MC1R: variants seen among roughly 807,000 people sequenced by gnomAD.
MC1R encodes melanocortin 1 receptor.
For missense variants in MC1R, 542 were observed against 430.0 expected (o/e 1.26, Z -2.30); for synonymous variants, 263 against 203.8 (o/e 1.29, Z -2.47).
chr16:89,920,317 G>T lies in MC1R; in HGVS notation c.*105G>T. 5 of 943,686 alleles carry T rather than the reference G, an allele frequency of 5.3e-6. No individual in the cohort carries two copies. Among genetic ancestry groups the T allele is most frequent in the Non-Finnish European group, 8.1e-6 (5 of 613,654 alleles). The allele number at this position is 943,686 out of a possible 1,614,324, so 58.5% of individuals were successfully genotyped here. A position where few individuals can be genotyped will look rare whatever the true frequency, so the allele number is the denominator to read the frequency against. Reference sequence around the variant, plus strand: ...GCAGTTCCTTACCTCCCTGGTCCCCGTTTGTCAAAGAGGATGGACTAAATG... The same window carrying T: ...GCAGTTCCTTACCTCCCTGGTCCCCTTTTGTCAAAGAGGATGGACTAAATG... On this transcript the variant is annotated 3_prime_UTR_variant, in exon 1 of 1. Transcript: ENST00000555147.
Position 89,919,825 on chromosome 16 carries a change from G to T in MC1R, c.567G>T (p.Leu189=), listed in dbSNP as rs2045699975. 2 of 1,606,952 alleles carry T rather than the reference G, an allele frequency of 1.2e-6. No individual in the cohort carries two copies. The highest frequency in any genetic ancestry group is 1.7e-6 in the Non-Finnish European group (2 of 1,179,604). ...FIAYYDHVAV[L]LCLVVFFLAM... is the part of the protein sequence containing the mutation. Reference sequence around the variant, plus strand: ...CCTACTACGACCACGTGGCCGTCCTGCTGTGCCTCGTGGTCTTCTTCCTGG... The same window carrying T: ...CCTACTACGACCACGTGGCCGTCCTTCTGTGCCTCGTGGTCTTCTTCCTGG... The change falls in exon 1 of 1, where the codon CTG becomes CTT. Residue 189 remains leucine (L), a synonymous_variant. Transcript: ENST00000555147.
chr16:89,920,535 C>T lies in MC1R; in HGVS notation c.*323C>T, dbSNP rs1047573720. 6.4e-6 allele frequency: 4 copies of T among 627,350 alleles called. No homozygotes were observed. In the African/African-American group the frequency reaches 7.4e-5, roughly 12 times the overall value. 38.9% of individuals were successfully genotyped at this position (627,350 alleles called of 1,614,324 possible). A position where few individuals can be genotyped will look rare whatever the true frequency, so the allele number is the denominator to read the frequency against. On this transcript the variant is annotated 3_prime_UTR_variant, in exon 1 of 1. Coordinates refer to ENST00000555147, the MANE Select transcript of MC1R (RefSeq NM_002386.4). ...ACATTTTCCGCCCACTCCTGGGACACTCCGTCTGCTCCAATGACTGAGCAG... is the reference window on the plus strand; with the variant it reads ...ACATTTTCCGCCCACTCCTGGGACATTCCGTCTGCTCCAATGACTGAGCAG...
Position 89,919,033 on chromosome 16 carries a change from A to C in MC1R, c.-226A>C, listed in dbSNP as rs3212363. The C allele has an allele frequency of 1.8e-6, 1 of 551,664 alleles. No individual in the cohort carries two copies. The highest frequency in any genetic ancestry group is 3.2e-6 in the Non-Finnish European group (1 of 310,544). 34.2% of individuals were successfully genotyped at this position (551,664 alleles called of 1,614,324 possible). A position where few individuals can be genotyped will look rare whatever the true frequency, so the allele number is the denominator to read the frequency against. ...GTGAGAATCCCTGAGCCCAGGCGGT[A>C]GATGCCAGGAGGTGTCTGGACTGGC... On this transcript the variant is annotated 5_prime_UTR_variant, in exon 1 of 1. Coordinates refer to ENST00000555147, the MANE Select transcript of MC1R (RefSeq NM_002386.4).
chr16:89,919,690 C>T lies in MC1R; in HGVS notation c.432C>T (p.Ile144=), dbSNP rs1449010590. The T allele has an allele frequency of 2.4e-5, 39 of 1,606,340 alleles. No individual in the cohort carries two copies. The highest frequency in any genetic ancestry group is 3.2e-5 in the Non-Finnish European group (38 of 1,179,618). Residue 144 remains isoleucine, a synonymous_variant, in exon 1 of 1, where the codon ATC becomes ATT. Coordinates refer to ENST00000555147, the MANE Select transcript of MC1R (RefSeq NM_002386.4). ...FLGAIAVDRY[I]SIFYALRYHS... ...GCGCCATCGCCGTGGACCGCTACAT[C>T]TCCATCTTCTACGCACTGCGCTACC...
chr16:89,920,315 C>A lies in MC1R; in HGVS notation c.*103C>A. On this transcript the variant is annotated 3_prime_UTR_variant, in exon 1 of 1. Transcript: ENST00000555147. ...GGGCAGTTCCTTACCTCCCTGGTCCCCGTTTGTCAAAGAGGATGGACTAAA... is the reference window on the plus strand; with the variant it reads ...GGGCAGTTCCTTACCTCCCTGGTCCACGTTTGTCAAAGAGGATGGACTAAA... 2.1e-6 allele frequency: 2 copies of A among 973,034 alleles called. No individual in the cohort carries two copies. 60.3% of individuals were successfully genotyped at this position (973,034 alleles called of 1,614,324 possible). A position where few individuals can be genotyped will look rare whatever the true frequency, so the allele number is the denominator to read the frequency against.
Position 89,919,496 on chromosome 16 carries a change from C to T in MC1R, c.238C>T (p.Leu80=), listed in dbSNP as rs2144391307. ...HSPMYCFICC[L]ALSDLLVSGS... ...ACCCATGTACTGCTTCATCTGCTGC[C>T]TGGCCTTGTCGGACCTGCTGGTGAG... Residue 80 remains leucine (L), a synonymous_variant, in exon 1 of 1, where the codon CTG becomes TTG. Coordinates refer to ENST00000555147, the MANE Select transcript of MC1R (RefSeq NM_002386.4). The T allele has an allele frequency of 8.7e-6, 14 of 1,613,272 alleles. No homozygotes were observed. The highest frequency in any genetic ancestry group is 1.2e-5 in the Non-Finnish European group (14 of 1,179,806).
In MC1R at chr16:89,918,966, C is replaced by T. The variant is rs2045684459; in HGVS notation, c.-293C>T. On this transcript the variant is annotated 5_prime_UTR_variant, in exon 1 of 1. Coordinates refer to ENST00000555147, the MANE Select transcript of MC1R (RefSeq NM_002386.4). ...GTCCTGGGGACCTGAGCAGCAGCCA[C>T]CAGGGAAGAGGCAGGGAGGGAGCTG... The T allele has an allele frequency of 2.1e-6, 1 of 475,182 alleles. No individual in the cohort carries two copies. Among genetic ancestry groups the T allele is most frequent in the Non-Finnish European group, 3.8e-6 (1 of 263,474 alleles). 29.4% of individuals were successfully genotyped at this position (475,182 alleles called of 1,614,324 possible).
Position 89,919,256 on chromosome 16 carries a change from A to G in MC1R, c.-3A>G. On this transcript the variant is annotated 5_prime_UTR_variant, in exon 1 of 1. Transcript: ENST00000555147. ...GACTCCTTCCTGCTTCCTGGACAGGACTATGGCTGTGCAGGGATCCCAGAG... is the reference window on the plus strand; with the variant it reads ...GACTCCTTCCTGCTTCCTGGACAGGGCTATGGCTGTGCAGGGATCCCAGAG... 1 of 1,556,132 alleles carries G rather than the reference A, an allele frequency of 6.4e-7. No homozygotes were observed. The highest frequency in any genetic ancestry group is 8.7e-7 in the Non-Finnish European group (1 of 1,148,372).
In MC1R at chr16:89,920,565, C is replaced by A; in HGVS notation, c.*353C>A. 1.5e-6 allele frequency: 1 copy of A among 654,772 alleles called. No individual in the cohort carries two copies. The highest frequency in any genetic ancestry group is 1.7e-5 in the South Asian group (1 of 57,512). 40.6% of individuals were successfully genotyped at this position (654,772 alleles called of 1,614,324 possible). Reference sequence around the variant, plus strand: ...TCTGCTCCAATGACTGAGCAGCATCCACCCCACCCCATCTTTGCTGCCAGC... The same window carrying A: ...TCTGCTCCAATGACTGAGCAGCATCAACCCCACCCCATCTTTGCTGCCAGC... On this transcript the variant is annotated 3_prime_UTR_variant, in exon 1 of 1. Coordinates refer to ENST00000555147, the MANE Select transcript of MC1R (RefSeq NM_002386.4).
Position 89,920,177 on chromosome 16 carries a change from A to G in MC1R, c.919A>G (p.Arg307Gly). The change falls in exon 1 of 1, where the codon AGG becomes GGG. Residue 307 changes from arginine to glycine, a missense_variant. Physicochemically the swap from Arg to Gly is moderately radical, Grantham distance 125. Transcript: ENST00000555147. The part of the protein sequence containing the change: ...IYAFHSQELR[R>G]TLKEVLTCSW ...CGCCTTCCACAGCCAGGAGCTCCGC[A>G]GGACGCTCAAGGAGGTGCTGACATG... The G allele has an allele frequency of 6.2e-7, 1 of 1,613,992 alleles. No homozygotes were observed. Among genetic ancestry groups the G allele is most frequent in the Non-Finnish European group, 8.5e-7 (1 of 1,179,866 alleles).
rs376508354 is a variant in MC1R at position 89,920,028 on chromosome 16, T to C, written c.770T>C (p.Phe257Ser). 1.2e-6 allele frequency: 2 copies of C among 1,613,752 alleles called. No homozygotes were observed. Among genetic ancestry groups the C allele is most frequent in the East Asian group, 4.5e-5 (2 of 44,884 alleles). The stretch of plus-strand genomic sequence containing the variant: ...ATTTTCTTCCTCTGCTGGGGCCCCT[T>C]CTTCCTGCATCTCACACTCATCGTC... ...LGIFFLCWGP[F>S]FLHLTLIVLC... Residue 257 changes from phenylalanine to serine, a missense_variant, in exon 1 of 1, where the codon TTC (phenylalanine) becomes TCC (serine). Phe to Ser is a radical substitution (Grantham distance 155). Transcript: ENST00000555147.
Position 89,919,538 on chromosome 16 carries a change from G to T in MC1R, c.280G>T (p.Glu94Ter). ...GCTGGTGAGCGGGAGCAACGTGCTG[G>T]AGACGGCCGTCATCCTCCTGCTGGA... ...DLLVSGSNVLETAVILLLEAG... is the reference protein window; with the variant it reads ...DLLVSGSNVL The change falls in exon 1 of 1, where the codon GAG becomes TAG. Residue 94 changes from glutamate to a stop codon, truncating the protein, a stop_gained. Coordinates refer to ENST00000555147, the MANE Select transcript of MC1R (RefSeq NM_002386.4). LOFTEE classifies it low-confidence loss of function (END_TRUNC). 1 of 1,612,790 alleles carries T rather than the reference G, an allele frequency of 6.2e-7. No individual in the cohort carries two copies. The highest frequency in any genetic ancestry group is 8.5e-7 in the Non-Finnish European group (1 of 1,179,740).
chr16:89,920,953 ATG>A lies in MC1R; in HGVS notation c.*744_*745del. 2 of 522,274 alleles carry A rather than the reference ATG, an allele frequency of 3.8e-6. No homozygotes were observed. The highest frequency in any genetic ancestry group is 7.4e-5 in the Admixed American group (2 of 27,006). 32.4% of individuals were successfully genotyped at this position (522,274 alleles called of 1,614,324 possible). On this transcript the variant is annotated 3_prime_UTR_variant, in exon 1 of 1. Coordinates refer to ENST00000555147, the MANE Select transcript of MC1R (RefSeq NM_002386.4). ...TGGGGCCAGGAAAGTCTGGTAATAA[ATG>A]TGACTCAGCATCACCCACCTTAGCC...
Position 89,919,428 on chromosome 16 carries a change from C to A in MC1R, c.170C>A (p.Ala57Glu), listed in dbSNP as rs117952179. 1.2e-6 allele frequency: 2 copies of A among 1,613,142 alleles called. No individual in the cohort carries two copies. The highest frequency in any genetic ancestry group is 1.3e-5 in the African/African-American group (1 of 74,942). The change falls in exon 1 of 1, where the codon GCG (alanine) becomes GAG (glutamate). Residue 57 changes from alanine (A) to glutamate (E), a missense_variant. Transcript: ENST00000555147. ...SLGLVSLVEN[A>E]LVVATIAKNR... is the part of the protein sequence containing the mutation. ...GGGCTGGTGAGCTTGGTGGAGAACG[C>A]GCTGGTGGTGGCCACCATCGCCAAG...
rs955243060 is a variant in MC1R, at chr16:89,919,586, G to A, written c.328G>A (p.Ala110Thr). The change falls in exon 1 of 1, where the codon GCT becomes ACT. Residue 110 changes from alanine (A) to threonine (T), a missense_variant. Ala to Thr is a moderately conservative substitution (Grantham distance 58). Coordinates refer to ENST00000555147, the MANE Select transcript of MC1R (RefSeq NM_002386.4). ...GGAGGCCGGTGCACTGGTGGCCCGGGCTGCGGTGCTGCAGCAGCTGGACAA... is the reference window on the plus strand; with the variant it reads ...GGAGGCCGGTGCACTGGTGGCCCGGACTGCGGTGCTGCAGCAGCTGGACAA... ...LLEAGALVAR[A>T]AVLQQLDNVI... The A allele has an allele frequency of 5.6e-6, 9 of 1,609,972 alleles. No individual in the cohort carries two copies. Among genetic ancestry groups the A allele is most frequent in the East Asian group, 2.2e-5 (1 of 44,888 alleles).
Position 89,919,249 on chromosome 16 carries a change from G to A in MC1R, c.-10G>A. 1 of 1,533,418 alleles carries A rather than the reference G, an allele frequency of 6.5e-7. No individual in the cohort carries two copies. The highest frequency in any genetic ancestry group is 2.4e-5 in the East Asian group (1 of 41,164). The allele number at this position is 1,533,418 out of a possible 1,614,324, so 95.0% of individuals were successfully genotyped here. On this transcript the variant is annotated 5_prime_UTR_variant, in exon 1 of 1. Transcript: ENST00000555147. The stretch of plus-strand genomic sequence containing the variant: ...CTCCAACGACTCCTTCCTGCTTCCT[G>A]GACAGGACTATGGCTGTGCAGGGAT...
rs774456071 is a variant in MC1R at position 89,919,429 on chromosome 16, G to T, written c.171G>T (p.Ala57=). 6.2e-7 allele frequency: 1 copy of T among 1,613,264 alleles called. No homozygotes were observed. The highest frequency in any genetic ancestry group is 8.5e-7 in the Non-Finnish European group (1 of 1,179,874). ...SLGLVSLVEN[A]LVVATIAKNR... The stretch of plus-strand genomic sequence containing the variant: ...GGCTGGTGAGCTTGGTGGAGAACGC[G>T]CTGGTGGTGGCCACCATCGCCAAGA... The change falls in exon 1 of 1, where the codon GCG becomes GCT. Residue 57 remains alanine, a synonymous_variant. Transcript: ENST00000555147.
chr16:89,920,374 T>G lies in MC1R; in HGVS notation c.*162T>G, dbSNP rs1597415936. ...GAAAGTGTTGAAGCGCGGACCCTTC[T>G]GGGTCCAGGGAGGGGTCCCTGCAAA... On this transcript the variant is annotated 3_prime_UTR_variant, in exon 1 of 1. Transcript: ENST00000555147. The G allele has an allele frequency of 6.0e-6, 4 of 669,982 alleles. No homozygotes were observed. In the African/African-American group the frequency reaches 7.3e-5, roughly 12 times the overall value. 41.5% of individuals were successfully genotyped at this position (669,982 alleles called of 1,614,324 possible).
At position 89,919,673 on chromosome 16, in the gene MC1R, G is replaced by T; in HGVS notation, c.415G>T (p.Ala139Ser). 1 of 1,606,010 alleles carries T rather than the reference G, an allele frequency of 6.2e-7. No homozygotes were observed. ...LSSLCFLGAI[A>S]VDRYISIFYA... ...CAGCCTCTGCTTCCTGGGCGCCATC[G>T]CCGTGGACCGCTACATCTCCATCTT... The change falls in exon 1 of 1, where the codon GCC (alanine) becomes TCC (serine). Residue 139 changes from alanine to serine, a missense_variant. Physicochemically the swap from Ala to Ser is moderately conservative, Grantham distance 99 (BLOSUM62 1). Transcript: ENST00000555147.
Sources: gnomAD v4.1 joint callset for allele counts on GRCh38, gnomAD v4.1.1 for gene constraint, MANE v1.5 for transcripts, NCBI Gene and HGNC (gene_info 2026-07-23, HGNC 2026-07-21) for gene names.